The following SCHIP1 variants were observed in gnomAD, a reference collection of about 807,000 sequenced individuals.
SCHIP1 encodes schwannomin-interacting protein 1.
SCHIP1 carries 8 observed loss-of-function variants against 29.7 expected under a neutral mutation model. That is an observed-to-expected ratio of 0.27 (90% CI 0.16 to 0.49). The LOEUF (loss-of-function observed/expected upper bound fraction) is 0.49, where lower values mean the gene tolerates loss of function less well. SCHIP1 is among the 20% of genes least tolerant of loss of function. The probability of loss-of-function intolerance (pLI) is 0.99; values close to 1 mark genes in which losing one functional copy is unlikely to be tolerated. For synonymous variants in SCHIP1, 76 were observed against 94.9 expected (o/e 0.80, Z 1.16); for missense variants, 193 against 294.6 (o/e 0.66, Z 2.52).
chr3:159,497,505 G>A, the SCHIP1 span, among the ~76,000 whole-genome samples: 1 of 151,904 alleles, frequency 6.6e-6, no homozygotes, highest in African/African-American at 2.4e-5. Context: ...CATTACAAGG[G>A]AAGAAACTGG....
At chr3:159,415,842 C>G in the SCHIP1 span, among the ~76,000 whole-genome samples, 1 of 152,098 alleles carries the variant, frequency 6.6e-6, no homozygotes, top group Non-Finnish European at 1.5e-5. Flanking sequence ...AGTAAGTACT[C>G]AATATTGTTA....
chr3:159,653,156 TA>T, the SCHIP1 span, among the ~76,000 whole-genome samples: 1 of 152,286 alleles, frequency 6.6e-6, no homozygotes, highest in Non-Finnish European at 1.5e-5. Context: ...TAAATTAGTT[TA>T]ACCATTGTGG....
chr3:159,301,742 G>A, the SCHIP1 span, among the ~76,000 whole-genome samples: 15 of 152,138 alleles, frequency 9.9e-5, no homozygotes, highest in African/African-American at 2.9e-4. Flanking sequence ...TTTGCCTTCC[G>A]TCATGTTTGT....
the SCHIP1 span, among the ~76,000 whole-genome samples, chr3:159,695,751 A>G: frequency 6.6e-6 from 1 of 152,166 alleles, no homozygotes; most frequent in Non-Finnish European, 1.5e-5. Flanking sequence ...AGTTCCATAC[A>G]GCCCATTTAC....
the SCHIP1 span, among the ~76,000 whole-genome samples, chr3:159,814,246 C>G: frequency 2.0e-5 from 3 of 152,220 alleles, no homozygotes; most frequent in African/African-American, 4.8e-5. Flanking sequence ...CGCCCAGCCC[C>G]GTTGCAGAGC....
the SCHIP1 span, among the ~76,000 whole-genome samples, chr3:159,508,266 A>G: frequency 6.6e-6 from 1 of 152,158 alleles, no homozygotes; most frequent in African/African-American, 2.4e-5. Context: ...AGATGTTTAT[A>G]GTATTCTCTG....
chr3:159,729,909 A>T, the SCHIP1 span, among the ~76,000 whole-genome samples: 1 of 152,232 alleles, frequency 6.6e-6, no homozygotes, highest in Non-Finnish European at 1.5e-5. Flanking sequence ...TTCCCAGAAG[A>T]CAGCCTTGTA....
chr3:159,553,775 C>T, the SCHIP1 span, among the ~76,000 whole-genome samples: 1 of 151,952 alleles, frequency 6.6e-6, no homozygotes, highest in African/African-American at 2.4e-5. Flanking sequence ...TGCGCCCAGC[C>T]AGTAATTTTA....
At chr3:159,470,906 A>G in the SCHIP1 span, among the ~76,000 whole-genome samples, 1 of 152,164 alleles carries the variant, frequency 6.6e-6, no homozygotes, top group Non-Finnish European at 1.5e-5. Context: ...TATCTCATGT[A>G]TGATTCCATT....
At chr3:159,352,177 C>T in the SCHIP1 span, among the ~76,000 whole-genome samples, 1 of 152,098 alleles carries the variant, frequency 6.6e-6, no homozygotes, top group Admixed American at 6.5e-5. Context: ...ATGATCACAC[C>T]TCTAATATGT....
the SCHIP1 span, among the ~76,000 whole-genome samples, chr3:159,312,889 A>G: frequency 6.6e-6 from 1 of 152,220 alleles, no homozygotes; most frequent in Non-Finnish European, 1.5e-5. Context: ...AACAGGGAAA[A>G]ACAGATAATC....
chr3:159,752,553 A>T, the SCHIP1 span, among the ~76,000 whole-genome samples: 1 of 152,164 alleles, frequency 6.6e-6, no homozygotes, highest in Admixed American at 6.6e-5. Context: ...GGGAGGCTTC[A>T]GGGAGCTTTT....
chr3:159,817,756 C>T, the SCHIP1 span, among the ~76,000 whole-genome samples: 1 of 152,074 alleles, frequency 6.6e-6, no homozygotes, highest in Non-Finnish European at 1.5e-5. Context: ...GGTGAAATTC[C>T]TCATTGTGCT....
At chr3:159,552,726 C>A in the SCHIP1 span, among the ~76,000 whole-genome samples, 1 of 152,142 alleles carries the variant, frequency 6.6e-6, no homozygotes, top group Non-Finnish European at 1.5e-5. Context: ...TAAACATAAG[C>A]AGACACAGGT....
chr3:159,360,194 G>A, the SCHIP1 span, among the ~76,000 whole-genome samples: 1 of 152,170 alleles, frequency 6.6e-6, no homozygotes, highest in African/African-American at 2.4e-5. Flanking sequence ...TCAAATTTAT[G>A]AGCATGTAGT....
At chr3:159,823,027 C>T in the SCHIP1 span, among the ~76,000 whole-genome samples, 1 of 151,772 alleles carries the variant, frequency 6.6e-6, no homozygotes, top group African/African-American at 2.4e-5. Flanking sequence ...GAGGGCCCAC[C>T]GAAAGGACTT....
the SCHIP1 span, among the ~76,000 whole-genome samples, chr3:159,727,300 T>A: frequency 6.6e-6 from 1 of 152,208 alleles, no homozygotes; most frequent in South Asian, 2.1e-4. Flanking sequence ...ATCACAGAAT[T>A]AATTACTACC....
the SCHIP1 span, among the ~76,000 whole-genome samples, chr3:159,339,174 A>T: frequency 6.6e-6 from 1 of 151,926 alleles, no homozygotes; most frequent in Non-Finnish European, 1.5e-5. Flanking sequence ...CTATATTATG[A>T]GCCCCTTTCA....
the SCHIP1 span, among the ~76,000 whole-genome samples, chr3:159,334,362 G>A: frequency 6.6e-6 from 1 of 152,080 alleles, no homozygotes; most frequent in Non-Finnish European, 1.5e-5. Flanking sequence ...CACATCATAG[G>A]CCTTCAAGCT....
Sources: allele counts gnomAD v4.1 joint callset (sites outside exome capture counted in the v4.1 genomes callset), GRCh38; gene constraint gnomAD v4.1.1; transcripts MANE v1.5; gene names NCBI Gene and HGNC (gene_info 2026-07-23, HGNC 2026-07-21).